TBC1D12: variants seen among roughly 807,000 people sequenced by gnomAD.
TBC1D12 encodes TBC1 domain family, member 12.
Under a neutral mutation model 86.7 loss-of-function variants are expected in TBC1D12, and 56 were observed. The observed-to-expected ratio is 0.65, with a 90% CI of 0.52 to 0.81. TBC1D12 has a LOEUF of 0.81. TBC1D12 is among the 30% of genes least tolerant of loss of function. The pLI, the probability that TBC1D12 is intolerant of heterozygous loss-of-function variation, is 0.00. For missense variants in TBC1D12, 1,023 were observed against 1,038.8 expected, an observed-to-expected ratio of 0.98 and a Z score of 0.21; for synonymous variants, 421 against 411.7, an observed-to-expected ratio of 1.02 and a Z score of -0.27.
intron 3 of TBC1D12, among the ~76,000 whole-genome samples, chr10:94,481,012 A>G (rs1174676658): frequency 6.6e-6 from 1 of 151,054 alleles, no homozygotes; most frequent in Admixed American, 6.6e-5. Flanking sequence ...AACTAGGTGC[A>G]TCGTTAATAA....
chr10:94,476,434 G>C (rs10509673), intron 3 of TBC1D12, among the ~76,000 whole-genome samples: 26,128 of 151,944 alleles, frequency 0.17, 2,462 homozygotes, highest in Middle Eastern at 0.25. Context: ...TTAGTTATGA[G>C]AACATGTGAA....
At chr10:94,505,386 C>T (rs1208499690) in intron 6 of TBC1D12, among the ~76,000 whole-genome samples, 1 of 152,092 alleles carries the variant, frequency 6.6e-6, no homozygotes, top group Non-Finnish European at 1.5e-5. Context: ...CAAGACCAGC[C>T]TGGCCAACAT....
chr10:94,531,969 C>T (rs1386528364), intron 12 of TBC1D12, among the ~76,000 whole-genome samples: 1 of 150,752 alleles, frequency 6.6e-6, no homozygotes, highest in South Asian at 2.1e-4. Context: ...CAAGCTCCAC[C>T]TCCTGGGTTC....
At chr10:94,416,008 T>G (rs1327500054) in intron 1 of TBC1D12, among the ~76,000 whole-genome samples, 1 of 152,216 alleles carries the variant, frequency 6.6e-6, no homozygotes, top group East Asian at 1.9e-4. Flanking sequence ...AACTAGCCAC[T>G]TATTTTAATG....
At position 94,405,770 on chromosome 10, in the gene TBC1D12, G is replaced by A. The variant is rs555175270; in HGVS notation, c.971+2186G>A. Among the ~76,000 whole-genome samples the A allele has an allele frequency of 3.9e-5, 6 of 151,936 alleles. 1 individual carries two copies. In the South Asian group the frequency reaches 8.3e-4, roughly 21 times the overall value. ...TGGGGTGCAGGCTAATGGGGATTAAGTTTGAAGACAGATGCATATATATAC... is the reference window on the plus strand; with the variant it reads ...TGGGGTGCAGGCTAATGGGGATTAAATTTGAAGACAGATGCATATATATAC... On this transcript the variant is annotated intron_variant, in intron 1 of 12. Transcript: ENST00000225235.
intron 3 of TBC1D12, among the ~76,000 whole-genome samples, chr10:94,484,112 T>A (rs1337844333): frequency 6.6e-6 from 1 of 152,188 alleles, no homozygotes; most frequent in Admixed American, 6.5e-5. Context: ...GATTTGTTTC[T>A]GGGTTCTCTG....
intron 3 of TBC1D12, among the ~76,000 whole-genome samples, chr10:94,490,970 C>T (rs894920270): frequency 1.3e-4 from 19 of 151,924 alleles, no homozygotes; most frequent in Admixed American, 1.2e-3. Context: ...CCCTTCTTTT[C>T]TGGTTTTCTG....
intron 2 of TBC1D12, among the ~76,000 whole-genome samples, chr10:94,468,575 C>T (rs1414239848): frequency 6.6e-6 from 1 of 151,922 alleles, no homozygotes; most frequent in Non-Finnish European, 1.5e-5. Flanking sequence ...CACATTCAGT[C>T]TTTTCAATAT....
intron 1 of TBC1D12, among the ~76,000 whole-genome samples, chr10:94,434,399 AG>A (rs949141731): frequency 6.6e-6 from 1 of 151,736 alleles, no homozygotes; most frequent in African/African-American, 2.4e-5. Flanking sequence ...CCAGCTACTC[AG>A]GGGGCTGAGG....
intron 9 of TBC1D12, among the ~76,000 whole-genome samples, chr10:94,520,212 G>T (rs1392461041): frequency 6.6e-6 from 1 of 152,204 alleles, no homozygotes; most frequent in Admixed American, 6.5e-5. Flanking sequence ...TCTCAAAATA[G>T]TATGGTAATG....
intron 3 of TBC1D12, among the ~76,000 whole-genome samples, chr10:94,479,986 G>A (rs199933287): frequency 2.6e-5 from 4 of 152,112 alleles, no homozygotes; most frequent in African/African-American, 9.7e-5. Context: ...ACCGCAGAAC[G>A]GGCTTGGGGA....
Position 94,405,042 on chromosome 10 carries a change from C to G in TBC1D12, c.971+1458C>G, listed in dbSNP as rs563632023. Among the ~76,000 whole-genome samples the G allele has an allele frequency of 5.5e-3, 776 of 140,596 alleles. 3 individuals are homozygous for G. Among genetic ancestry groups the G allele is most frequent in the Admixed American group, 0.01 (147 of 14,002 alleles). 92.2% of individuals were successfully genotyped at this position (140,596 alleles called of 152,430 possible). A position where few individuals can be genotyped will look rare whatever the true frequency, so the allele number is the denominator to read the frequency against. Reference sequence around the variant, plus strand: ...AACCTGGGGAATAAGAGCTAGACTTCTCTCAAAAAAAAAAAAAAAAAGGCA... The same window carrying G: ...AACCTGGGGAATAAGAGCTAGACTTGTCTCAAAAAAAAAAAAAAAAAGGCA... On this transcript the variant is annotated intron_variant, in intron 1 of 12. Coordinates refer to ENST00000225235, the MANE Select transcript of TBC1D12 (RefSeq NM_015188.2).
chr10:94,490,319 G>A (rs2056229539), intron 3 of TBC1D12, among the ~76,000 whole-genome samples: 1 of 152,020 alleles, frequency 6.6e-6, no homozygotes, highest in South Asian at 2.1e-4. Flanking sequence ...CACACAATGA[G>A]CACATTGTTA....
intron 2 of TBC1D12, among the ~76,000 whole-genome samples, chr10:94,463,576 A>C (rs2055762550): frequency 6.6e-6 from 1 of 152,212 alleles, no homozygotes; most frequent in Non-Finnish European, 1.5e-5. Flanking sequence ...GCCCAGTACT[A>C]TCACACTGGG....
At chr10:94,407,675 C>CGA (rs113073560) in intron 1 of TBC1D12, among the ~76,000 whole-genome samples, 1 of 138,418 alleles carries the variant, frequency 7.2e-6, no homozygotes. Context: ...GATTCCGTCT[C>CGA]AAAAAAAAAA....
intron 1 of TBC1D12, among the ~76,000 whole-genome samples, chr10:94,414,435 A>G (rs2054971570): frequency 6.6e-6 from 1 of 152,138 alleles, no homozygotes; most frequent in Admixed American, 6.6e-5. Flanking sequence ...TCAGAGTATT[A>G]CCACAGATTA....
In TBC1D12 at chr10:94,477,282, CT is replaced by C. The variant is rs200959124; in HGVS notation, c.1211+2504del. On this transcript the variant is annotated intron_variant, in intron 3 of 12. Transcript: ENST00000225235. Reference sequence around the variant, plus strand: ...TTCACCTTTTTAAATTTGAAGGGGCCTTTTTGGTGGGGGGACGTTATTTGTA... The same window carrying C: ...TTCACCTTTTTAAATTTGAAGGGGCCTTTTGGTGGGGGGACGTTATTTGTA... Among the ~76,000 whole-genome samples, 309 of 152,142 alleles carry C rather than the reference CT, an allele frequency of 2.0e-3. 9 individuals carry two copies. The highest frequency in any genetic ancestry group is 0.015 in the Admixed American group (226 of 15,270).
At chr10:94,458,003 CAT>C (rs1371395618) in intron 2 of TBC1D12, among the ~76,000 whole-genome samples, 2 of 152,272 alleles carry the variant, frequency 1.3e-5, no homozygotes, top group African/African-American at 2.4e-5. Flanking sequence ...CATATGCACA[CAT>C]GAGCATACAT....
At chr10:94,518,163 C>T (rs1842051012) in intron 9 of TBC1D12, among the ~76,000 whole-genome samples, 2 of 151,926 alleles carry the variant, frequency 1.3e-5, no homozygotes, top group Admixed American at 1.3e-4. Context: ...TTGCTGTTCT[C>T]TTTTTTCTCC....
Sources: gnomAD v4.1 joint callset for allele counts (sites outside exome capture counted in the v4.1 genomes callset) on GRCh38, gnomAD v4.1.1 for gene constraint, MANE v1.5 for transcripts, NCBI Gene and HGNC (gene_info 2026-07-23, HGNC 2026-07-21) for gene names.